LMX1A: variants seen among roughly 807,000 people sequenced by gnomAD.
The protein encoded by LMX1A is LIM homeobox transcription factor 1-alpha.
LMX1A carries 15 observed loss-of-function variants against 49.1 expected under a neutral mutation model. The observed-to-expected ratio is 0.31, with a 90% confidence interval of 0.20 to 0.47. The LOEUF (loss-of-function observed/expected upper bound fraction) is 0.47. Ranked by LOEUF, LMX1A falls within the 20% of genes least tolerant of loss-of-function variation. The pLI is 1.00. For synonymous variants in LMX1A, 167 were observed against 185.7 expected (o/e 0.90, Z 0.82); for missense variants, 372 against 475.8 (o/e 0.78, Z 2.03).
At chr1:165,252,124 A>T (rs1203237767) in intron 3 of LMX1A, among the ~76,000 whole-genome samples, 1 of 152,204 alleles carries the variant, frequency 6.6e-6, no homozygotes, top group Non-Finnish European at 1.5e-5. Context: ...CAAGTTTATA[A>T]CTTATCTTGT....
intron 8 of LMX1A, 70 bp from the exon 9 acceptor site, chr1:165,204,110 G>A (rs988580969): frequency 3.3e-6 from 5 of 1,525,752 alleles, no homozygotes; most frequent in Non-Finnish European, 4.5e-6. Context: ...AGGATATTCA[G>A]CTGAATTCAA....
chr1:165,267,819 G>A (rs1471617441), intron 3 of LMX1A, among the ~76,000 whole-genome samples: 2 of 152,188 alleles, frequency 1.3e-5, no homozygotes, highest in Non-Finnish European at 2.9e-5. Context: ...ATTCAGTACT[G>A]GGGAGGTCAG....
intron 3 of LMX1A, among the ~76,000 whole-genome samples, chr1:165,298,537 C>A (rs927996551): frequency 6.6e-6 from 1 of 152,194 alleles, no homozygotes; most frequent in Non-Finnish European, 1.5e-5. Flanking sequence ...ATTTTACCTG[C>A]CATTCTGGAT....
At chr1:165,247,054 C>CTGTTTTTTTTTTTTTT (rs1443584967) in intron 4 of LMX1A, among the ~76,000 whole-genome samples, 1 of 53,228 alleles carries the variant, frequency 1.9e-5, no homozygotes, top group African/African-American at 7.2e-5. Context: ...TCAGCTTTTT[C>CTGTTTTTTTTTTTTTT]TTTTTTTTTT....
At chr1:165,230,554 T>C (rs768152446) in intron 4 of LMX1A, among the ~76,000 whole-genome samples, 1 of 152,130 alleles carries the variant, frequency 6.6e-6, no homozygotes, top group Non-Finnish European at 1.5e-5. Flanking sequence ...AACCAACAGG[T>C]TTCCACTGCC....
chr1:165,300,798 G>A (rs538318735), intron 3 of LMX1A, among the ~76,000 whole-genome samples: 60 of 152,224 alleles, frequency 3.9e-4, no homozygotes, highest in African/African-American at 1.3e-3. Context: ...TAGAAATGCC[G>A]AGAACTCTCC....
chr1:165,249,413 T>C lies in LMX1A; in HGVS notation c.491A>G (p.Asp164Gly). 6.2e-7 allele frequency: 1 copy of C among 1,612,962 alleles called. No homozygotes were observed. The highest frequency in any genetic ancestry group is 8.5e-7 in the Non-Finnish European group (1 of 1,178,956). ...LLSLVSPAAS[D>G]SGKSDDEESL... ...GCCCACCACCTGGCACTCACCTGAG[T>C]CTGAGGCTGCTGGGCTCACCAGGCT... Residue 164 changes from aspartate to glycine, a missense_variant, in exon 4 of 9, where the codon GAC (aspartate) becomes GGC (glycine). Physicochemically the swap from Asp to Gly is moderately conservative, Grantham distance 94. Coordinates refer to ENST00000342310, the MANE Select transcript of LMX1A (RefSeq NM_177398.4).
intron 3 of LMX1A, among the ~76,000 whole-genome samples, chr1:165,320,327 T>C (rs903120383): frequency 4.6e-5 from 7 of 152,218 alleles, no homozygotes; most frequent in African/African-American, 1.4e-4. Context: ...GAAGTCAATG[T>C]CTTTGGTTTG....
chr1:165,348,494 G>C (rs1354935054), intron 3 of LMX1A, among the ~76,000 whole-genome samples: 2 of 152,146 alleles, frequency 1.3e-5, no homozygotes, highest in Non-Finnish European at 2.9e-5. Context: ...CTTATGCCGA[G>C]CTAAGCCCCC....
At chr1:165,256,862 G>A (rs1295522832) in intron 3 of LMX1A, among the ~76,000 whole-genome samples, 1 of 152,000 alleles carries the variant, frequency 6.6e-6, no homozygotes, top group Admixed American at 6.5e-5. Flanking sequence ...TGAATTTCGG[G>A]ATGCAACAGC....
At chr1:165,286,317 G>A (rs1654303609) in intron 3 of LMX1A, among the ~76,000 whole-genome samples, 1 of 152,174 alleles carries the variant, frequency 6.6e-6, no homozygotes, top group South Asian at 2.1e-4. Context: ...ATCTGTGCAG[G>A]AAGTGCCCTG....
intron 3 of LMX1A, among the ~76,000 whole-genome samples, chr1:165,350,787 CA>C (rs1282313703): frequency 6.6e-6 from 1 of 152,136 alleles, no homozygotes; most frequent in African/African-American, 2.4e-5. Context: ...CTAAAGAGGA[CA>C]AAAACCTCAA....
chr1:165,321,013 T>C (rs934116706), intron 3 of LMX1A, among the ~76,000 whole-genome samples: 2 of 152,148 alleles, frequency 1.3e-5, no homozygotes, highest in African/African-American at 4.8e-5. Flanking sequence ...AACAGCTGAA[T>C]GATAAACAAA....
chr1:165,252,944 TTTTCATTCATTC>T (rs1653110043), intron 3 of LMX1A, among the ~76,000 whole-genome samples: 1 of 152,256 alleles, frequency 6.6e-6, no homozygotes, highest in Non-Finnish European at 1.5e-5. Flanking sequence ...TCATTTATTC[TTTTCATTCATTC>T]TTTCATTTAT....
At chr1:165,271,447 C>A (rs778884585) in intron 3 of LMX1A, among the ~76,000 whole-genome samples, 2 of 152,202 alleles carry the variant, frequency 1.3e-5, no homozygotes, top group Non-Finnish European at 2.9e-5. Flanking sequence ...TTGGTTTAAG[C>A]CTCTGTTCAT....
At chr1:165,285,478 G>T (rs1160734827) in intron 3 of LMX1A, among the ~76,000 whole-genome samples, 2 of 152,216 alleles carry the variant, frequency 1.3e-5, no homozygotes, top group African/African-American at 2.4e-5. Context: ...CACCTTTTCT[G>T]TTCTAAGAGC....
chr1:165,329,512 T>C (rs531562516), intron 3 of LMX1A, among the ~76,000 whole-genome samples: 3 of 152,090 alleles, frequency 2.0e-5, no homozygotes, highest in East Asian at 1.9e-4. Context: ...GGCTAATTCA[T>C]GCATGGAGTA....
At chr1:165,249,317 G>T (rs1356087875) in intron 4 of LMX1A, 91 bp downstream of exon 4, 4 of 858,072 alleles carry the variant, frequency 4.7e-6, no homozygotes, top group Non-Finnish European at 7.8e-6. Flanking sequence ...CTGCCCTGGA[G>T]GCTGGCCATC....
chr1:165,206,234 C>T (rs1338108510), intron 7 of LMX1A, among the ~76,000 whole-genome samples, 200 bp from the exon 8 acceptor site: 1 of 152,140 alleles, frequency 6.6e-6, no homozygotes, highest in Non-Finnish European at 1.5e-5. Context: ...ACTTTGAGAA[C>T]ATCCTTGAAA....
Sources: gnomAD v4.1 joint callset for allele counts (sites outside exome capture counted in the v4.1 genomes callset) on GRCh38, gnomAD v4.1.1 for gene constraint, MANE v1.5 for transcripts, NCBI Gene and HGNC (gene_info 2026-07-23, HGNC 2026-07-21) for gene names.